Variants in SLC25A23 observed in about 807,000 individuals in gnomAD.
SLC25A23 encodes solute carrier family 25 member 23.
Under a neutral mutation model 53.9 loss-of-function variants are expected in SLC25A23, and 32 were observed. The observed-to-expected ratio is 0.59, with a 90% CI of 0.45 to 0.80. The LOEUF is 0.80. Ranked by LOEUF, SLC25A23 falls within the 30% of genes least tolerant of loss-of-function variation. SLC25A23 has a pLI of 0.00. For missense variants in SLC25A23, 575 were observed against 651.4 expected (o/e 0.88, Z 1.28); for synonymous variants, 275 against 264.5 (o/e 1.04, Z -0.38).
At chr19:6,450,265 A>T (rs1380906582) in intron 8 of SLC25A23, among the ~76,000 whole-genome samples, 3 of 151,904 alleles carry the variant, frequency 2.0e-5, no homozygotes, top group Non-Finnish European at 4.4e-5. Flanking sequence ...AAAAGGCCGT[A>T]TTTGTTCCTG....
chr19:6,441,953 G>C lies in SLC25A23; in HGVS notation c.*22C>G, dbSNP rs758720922. The C allele has an allele frequency of 3.7e-6, 6 of 1,609,604 alleles. No homozygotes were observed. Among genetic ancestry groups the C allele is most frequent in the Non-Finnish European group, 4.2e-6 (5 of 1,177,492 alleles). ...GCTGAGGTGTGGGGGGTGAGGGATT[G>C]GGGGGACGGGCTCCGGGTCCCTCAC... On this transcript the variant is annotated 3_prime_UTR_variant, in exon 10 of 10. Transcript: ENST00000301454.
At chr19:6,438,888 G>A (rs112571896), downstream of SLC25A23, 3,096 of 171,808 alleles carry the variant, frequency 0.018, 45 homozygotes, top group South Asian at 0.033. Flanking sequence ...AACCAAACAA[G>A]AAATTAGCCA....
chr19:6,458,028 G>C (rs187803692), intron 2 of SLC25A23, among the ~76,000 whole-genome samples, 170 bp downstream of exon 2: 1 of 151,930 alleles, frequency 6.6e-6, no homozygotes. Context: ...GCTGGGCCTC[G>C]AACCACCTAG....
rs753121425 is a variant in SLC25A23 at position 6,459,653 on chromosome 19, G to A, written c.-25C>T. The A allele has an allele frequency of 2.2e-6, 3 of 1,348,470 alleles. No homozygotes were observed. The highest frequency in any genetic ancestry group is 1.9e-5 in the South Asian group (1 of 51,656). The allele number at this position is 1,348,470 out of a possible 1,614,324, so 83.5% of individuals were successfully genotyped here. The stretch of plus-strand genomic sequence containing the variant: ...TGGCGCCCGCCCGGGGGGGAGGGGA[G>A]GCCCGGCAGCGGCGGCCTCAGTGGG... On this transcript the variant is annotated 5_prime_UTR_variant, in exon 1 of 10. Transcript: ENST00000301454. This position sits in a 1 kb window ranked among gnomAD's most constrained non-coding sequence, Gnocchi z 4.6.
chr19:6,453,326 G>A (rs747275941), intron 7 of SLC25A23, among the ~76,000 whole-genome samples: 2 of 140,168 alleles, frequency 1.4e-5, no homozygotes, highest in African/African-American at 2.6e-5. Context: ...TGCAACCACC[G>A]CCTCCCAGGT....
rs192528893 is a variant in SLC25A23 at position 6,441,773 on chromosome 19, G to C, written c.*202C>G. On this transcript the variant is annotated 3_prime_UTR_variant, in exon 10 of 10. Transcript: ENST00000301454. ...TGAAGGGTGGGGATCGCATGACCCA[G>C]TGGTTGGGGCATAGGAGTCTAGGAT... 2.8e-4 allele frequency: 166 copies of C among 596,528 alleles called. 1 individual carries two copies. The highest frequency in any genetic ancestry group is 2.7e-3 in the African/African-American group (141 of 53,080). 37.0% of individuals were successfully genotyped at this position (596,528 alleles called of 1,614,324 possible). A position where few individuals can be genotyped will look rare whatever the true frequency, so the allele number is the denominator to read the frequency against.
chr19:6,452,245 G>A (rs2092602661), intron 8 of SLC25A23, 67 bp downstream of exon 8: 5 of 1,548,612 alleles, frequency 3.2e-6, no homozygotes, highest in Non-Finnish European at 3.5e-6. Context: ...CCAGGGGAAG[G>A]GGAAGGGGTG....
chr19:6,450,361 G>A lies in SLC25A23; in HGVS notation c.1071+1951C>T, dbSNP rs554454361. 4.6e-5 allele frequency among the ~76,000 whole-genome samples: 7 copies of A among 152,154 alleles called. No individual in the cohort carries two copies. In the East Asian group the frequency reaches 1.2e-3, roughly 25 times the overall value. ...GCTTCAATGTCACCTTCTTGGAGGC[G>A]TTCCTCAACCCCCCTCCCGCCCACT... On this transcript the variant is annotated intron_variant, in intron 8 of 9. Coordinates refer to ENST00000301454, the MANE Select transcript of SLC25A23 (RefSeq NM_024103.3).
intron 2 of SLC25A23, 50 bp from the exon 3 acceptor site, chr19:6,457,640 G>A (rs2092700529): frequency 6.7e-7 from 1 of 1,503,636 alleles, no homozygotes; most frequent in Non-Finnish European, 9.2e-7. Flanking sequence ...AGGACACCTG[G>A]GGAACCCCAG....
At position 6,454,184 on chromosome 19, in the gene SLC25A23, C is replaced by T; in HGVS notation, c.796-96G>A. 1 of 1,514,394 alleles carries T rather than the reference C, an allele frequency of 6.6e-7. No individual in the cohort carries two copies. Among genetic ancestry groups the T allele is most frequent in the Non-Finnish European group, 9.0e-7 (1 of 1,115,262 alleles). The allele number at this position is 1,514,394 out of a possible 1,614,324, so 93.8% of individuals were successfully genotyped here. ...TGGCTTCCAAAGAACTGGCTTGCTG[C>T]AGGCATTCATGCAGAGGAGCAGATG... On this transcript the variant is annotated intron_variant, in intron 6 of 9. Coordinates refer to ENST00000301454, the MANE Select transcript of SLC25A23 (RefSeq NM_024103.3). The surrounding 1 kb of genome is among the most constrained non-coding windows in gnomAD (Gnocchi z 4.3).
At chr19:6,442,288 C>G (rs759463874) in intron 9 of SLC25A23, 129 bp from the exon 10 acceptor site, 1 of 635,446 alleles carries the variant, frequency 1.6e-6, no homozygotes, top group East Asian at 2.8e-5. Context: ...ACAGTGGGAC[C>G]TACCACTCAG....
chr19:6,454,637 C>T lies in SLC25A23; in HGVS notation c.564G>A (p.Gln188=), dbSNP rs141513592. The T allele has an allele frequency of 1.1e-5, 18 of 1,614,092 alleles. No individual in the cohort carries two copies. In the African/African-American group the frequency reaches 2.1e-4, roughly 19 times the overall value. Residue 188 remains glutamine, a synonymous_variant, in exon 5 of 10, where the codon CAG becomes CAA. Transcript: ENST00000301454. The surrounding 1 kb of genome is among the most constrained non-coding windows in gnomAD (Gnocchi z 4.3). Reference sequence around the variant, plus strand: ...CACCTGCCACTGCGCCGGCCACCAGCTGTTTCCACCACATGCCCGTCAGCT... The same window carrying T: ...CACCTGCCACTGCGCCGGCCACCAGTTGTTTCCACCACATGCCCGTCAGCT... ...QEKLTGMWWK[Q]LVAGAVAGAV...
At position 6,444,138 on chromosome 19, in the gene SLC25A23, G is replaced by A. The variant is rs376654530; in HGVS notation, c.1222+13C>T. ...GAGACTCCCCCTGCCCCATCCTCCCGCCCAGGCCTCACCTTGTGCCTGCAT... is the reference window on the plus strand; with the variant it reads ...GAGACTCCCCCTGCCCCATCCTCCCACCCAGGCCTCACCTTGTGCCTGCAT... On this transcript the variant is annotated intron_variant, in intron 9 of 9. Transcript: ENST00000301454. The A allele has an allele frequency of 3.2e-5, 50 of 1,554,752 alleles. No individual in the cohort carries two copies. The highest frequency in any genetic ancestry group is 7.3e-5 in the Admixed American group (4 of 54,460).
In SLC25A23 at chr19:6,459,318, C is replaced by T. The variant is rs1335013258; in HGVS notation, c.156+155G>A. Among the ~76,000 whole-genome samples, 1 of 152,174 alleles carries T rather than the reference C, an allele frequency of 6.6e-6. No individual in the cohort carries two copies. The highest frequency in any genetic ancestry group is 2.4e-5 in the African/African-American group (1 of 41,450). ...CCTGTCTTGAGCGATCCCGTTAGGC[C>T]AAACACGAGTGGGTAGGGGGAACGA... On this transcript the variant is annotated intron_variant, in intron 1 of 9. Coordinates refer to ENST00000301454, the MANE Select transcript of SLC25A23 (RefSeq NM_024103.3). This position sits in a 1 kb window ranked among gnomAD's most constrained non-coding sequence, Gnocchi z 4.6.
At chr19:6,446,359 C>T (rs2092505059) in intron 8 of SLC25A23, among the ~76,000 whole-genome samples, 1 of 152,102 alleles carries the variant, frequency 6.6e-6, no homozygotes, top group South Asian at 2.1e-4. Flanking sequence ...GCAAGACTGT[C>T]TCAAAAACAA....
chr19:6,447,183 A>C (rs778918181), intron 8 of SLC25A23, among the ~76,000 whole-genome samples: 1 of 152,148 alleles, frequency 6.6e-6, no homozygotes, highest in Non-Finnish European at 1.5e-5. Context: ...AGTCCTAGGA[A>C]ACTAACATAC....
At chr19:6,458,730 G>T (rs1318594922) in intron 1 of SLC25A23, among the ~76,000 whole-genome samples, 1 of 152,138 alleles carries the variant, frequency 6.6e-6, no homozygotes, top group East Asian at 1.9e-4. Flanking sequence ...CTGTCCACAT[G>T]GGGGACCCAG....
At chr19:6,436,403 T>C (rs1264574570), downstream of SLC25A23, 1 of 456,030 alleles carries the variant, frequency 2.2e-6, no homozygotes, top group African/African-American at 2.0e-5. Flanking sequence ...GTTACATGGC[T>C]ATTGGCTGAG....
intron 8 of SLC25A23, 89 bp downstream of exon 8, chr19:6,452,215 GCAGGTCAA>G: frequency 6.7e-7 from 1 of 1,498,020 alleles, no homozygotes; most frequent in Non-Finnish European, 9.0e-7. Flanking sequence ...TCTAACTATA[GCAGGTCAA>G]CTGAGCCAGC....
Sources: allele counts gnomAD v4.1 joint callset (sites outside exome capture counted in the v4.1 genomes callset), GRCh38; gene constraint gnomAD v4.1.1; non-coding constraint Gnocchi (gnomAD v3.1); transcripts MANE v1.5; gene names NCBI Gene and HGNC (gene_info 2026-07-23, HGNC 2026-07-21).